The following TRIM42 variants were observed in gnomAD, a reference collection of about 807,000 sequenced individuals.
The protein encoded by TRIM42 is tripartite motif containing 42.
Under a neutral mutation model 64.9 loss-of-function variants are expected in TRIM42, and 59 were observed. The observed-to-expected ratio is 0.91, with a 90% CI of 0.74 to 1.13. The LOEUF (loss-of-function observed/expected upper bound fraction) is 1.13. TRIM42 is among the 50% of genes most tolerant of loss of function. The pLI is 0.00. For missense variants in TRIM42, 878 were observed against 929.5 expected, an observed-to-expected ratio of 0.94 and a Z score of 0.72; for synonymous variants, 354 against 346.3, an observed-to-expected ratio of 1.02 and a Z score of -0.25.
At chr3:140,685,488 G>T (rs1290878548) in intron 2 of TRIM42, among the ~76,000 whole-genome samples, 2 of 152,176 alleles carry the variant, frequency 1.3e-5, no homozygotes. Context: ...TGTTAGAAAT[G>T]CAGAATCTCA....
At chr3:140,684,356 G>A (rs1576416800) in intron 2 of TRIM42, among the ~76,000 whole-genome samples, 2 of 152,316 alleles carry the variant, frequency 1.3e-5, no homozygotes, top group African/African-American at 4.8e-5. Context: ...GAGGGAAGGG[G>A]AACCACCACT....
chr3:140,695,515 C>T, intron 4 of TRIM42, among the ~76,000 whole-genome samples: 1 of 152,150 alleles, frequency 6.6e-6, no homozygotes, highest in Non-Finnish European at 1.5e-5. Flanking sequence ...CCCCAACCAT[C>T]CTCTCAAAGC....
intron 4 of TRIM42, among the ~76,000 whole-genome samples, chr3:140,699,476 C>A (rs1015097282): frequency 6.6e-6 from 1 of 152,128 alleles, no homozygotes; most frequent in African/African-American, 2.4e-5. Flanking sequence ...ATTTCAATTT[C>A]TTTAATATTC....
intron 2 of TRIM42, among the ~76,000 whole-genome samples, chr3:140,684,488 A>G (rs1988498660): frequency 6.6e-6 from 1 of 152,130 alleles, no homozygotes; most frequent in African/African-American, 2.4e-5. Flanking sequence ...AGGCCTACAC[A>G]TTTGGGAGGG....
chr3:140,697,926 G>A (rs1320269093), intron 4 of TRIM42, among the ~76,000 whole-genome samples: 2 of 152,030 alleles, frequency 1.3e-5, no homozygotes, highest in African/African-American at 4.8e-5. Flanking sequence ...CTCGTGATCT[G>A]CCGGCCTCAG....
At chr3:140,689,025 G>A (rs1988638176) in intron 3 of TRIM42, among the ~76,000 whole-genome samples, 1 of 152,198 alleles carries the variant, frequency 6.6e-6, no homozygotes, top group Admixed American at 6.5e-5. Context: ...AAAATTGGGA[G>A]GATCATCCCC....
chr3:140,678,636 G>C, intron 1 of TRIM42, 66 bp downstream of exon 1: 1 of 1,398,968 alleles, frequency 7.1e-7, no homozygotes, highest in South Asian at 1.3e-5. Context: ...CTTGCCAGCT[G>C]TGAAGTCTAC....
chr3:140,698,859 T>C (rs80228468), intron 4 of TRIM42, among the ~76,000 whole-genome samples: 2,641 of 152,254 alleles, frequency 0.017, 52 homozygotes, highest in East Asian at 0.11. Context: ...TTCTCACAAT[T>C]CTATTTCTTT....
chr3:140,700,015 T>C (rs1266608463), intron 4 of TRIM42, among the ~76,000 whole-genome samples: 1 of 152,210 alleles, frequency 6.6e-6, no homozygotes, highest in East Asian at 1.9e-4. Flanking sequence ...ACCCCCATTC[T>C]ATCTCAAGTC....
chr3:140,684,108 TTACTC>T (rs890523645), intron 2 of TRIM42, among the ~76,000 whole-genome samples: 67 of 152,142 alleles, frequency 4.4e-4, no homozygotes, highest in Non-Finnish European at 7.3e-4. Context: ...AAGGTCCACT[TTACTC>T]AGGCCTGTGG....
At chr3:140,699,297 T>C in intron 4 of TRIM42, among the ~76,000 whole-genome samples, 1 of 152,208 alleles carries the variant, frequency 6.6e-6, no homozygotes, top group Admixed American at 6.5e-5. Flanking sequence ...TTTTTGCTTA[T>C]ATTGTTTTTA....
intron 4 of TRIM42, among the ~76,000 whole-genome samples, chr3:140,692,298 C>A (rs776665323): frequency 6.6e-6 from 1 of 152,058 alleles, no homozygotes; most frequent in Non-Finnish European, 1.5e-5. Context: ...CTTAAAGCTC[C>A]AATGCCCAAC....
At chr3:140,681,876 A>T (rs972575980) in intron 1 of TRIM42, among the ~76,000 whole-genome samples, 4 of 151,964 alleles carry the variant, frequency 2.6e-5, no homozygotes, top group African/African-American at 9.7e-5. Context: ...TTAAAAAAAA[A>T]AAAATCAACT....
rs576140764 is a variant in TRIM42 at position 140,679,699 on chromosome 3, C to T, written c.341+1129C>T. ...TAAAACATGGAAAATTGTGTCCACA[C>T]TCCTCTCTCAACTACCTGTTGTTCA... is the stretch of plus-strand genomic sequence containing the variant. On this transcript the variant is annotated intron_variant, in intron 1 of 4. Transcript: ENST00000286349. Among the ~76,000 whole-genome samples the T allele has an allele frequency of 1.3e-4, 20 of 152,254 alleles. No homozygotes were observed. In the South Asian group the frequency reaches 4.0e-3, roughly 30 times the overall value.
chr3:140,680,353 C>T (rs1387193627), intron 1 of TRIM42, among the ~76,000 whole-genome samples: 2 of 152,022 alleles, frequency 1.3e-5, no homozygotes, highest in Non-Finnish European at 2.9e-5. Context: ...TCACTCTGGT[C>T]TCATTCATCC....
Position 140,694,919 on chromosome 3 carries a change from C to T in TRIM42, c.2085+3727C>T, listed in dbSNP as rs576052337. Among the ~76,000 whole-genome samples, 6 of 152,226 alleles carry T rather than the reference C, an allele frequency of 3.9e-5. No individual in the cohort carries two copies. In the East Asian group the frequency reaches 1.2e-3, roughly 29 times the overall value. On this transcript the variant is annotated intron_variant, in intron 4 of 4. Transcript: ENST00000286349. ...AAGGTCCCTTGTGACTGCTTTGAGC[C>T]CACCTGATAATTCAGGCTAGTCTCC... is the stretch of plus-strand genomic sequence containing the variant.
At chr3:140,689,587 T>C (rs905192428) in intron 3 of TRIM42, among the ~76,000 whole-genome samples, 1 of 152,050 alleles carries the variant, frequency 6.6e-6, no homozygotes, top group African/African-American at 2.4e-5. Flanking sequence ...ATCTAACAAA[T>C]GAAGGCCAGA....
chr3:140,687,800 G>A lies in TRIM42; in HGVS notation c.1118G>A (p.Arg373Gln), dbSNP rs200931245. The A allele has an allele frequency of 5.0e-5, 80 of 1,614,090 alleles. No homozygotes were observed. Among genetic ancestry groups the A allele is most frequent in the Admixed American group, 2.8e-4 (17 of 60,010 alleles). ...TTTAAAGCTGACAAGGAGGCAAAGCGAAAAGAGATCAGAAATGGCTTTCTC... is the reference window on the plus strand; with the variant it reads ...TTTAAAGCTGACAAGGAGGCAAAGCAAAAAGAGATCAGAAATGGCTTTCTC... ...NSFKADKEAK[R>Q]KEIRNGFLKL... is the part of the protein sequence containing the mutation. Residue 373 changes from arginine (R) to glutamine (Q), a missense_variant, in exon 3 of 5, where the codon CGA becomes CAA. Transcript: ENST00000286349.
chr3:140,686,747 C>T (rs760590432), intron 2 of TRIM42, among the ~76,000 whole-genome samples: 2 of 152,156 alleles, frequency 1.3e-5, no homozygotes, highest in South Asian at 4.1e-4. Context: ...ATGAGAAGAA[C>T]CTTACCCGTA....
Sources: allele counts gnomAD v4.1 joint callset (sites outside exome capture counted in the v4.1 genomes callset), GRCh38; gene constraint gnomAD v4.1.1; transcripts MANE v1.5; gene names NCBI Gene and HGNC (gene_info 2026-07-23, HGNC 2026-07-21).